The following EPB41L2 variants were observed in gnomAD, a reference collection of about 807,000 sequenced individuals.
EPB41L2 encodes the protein erythrocyte membrane protein band 4.1 like 2.
EPB41L2 carries 43 observed loss-of-function variants against 113.0 expected under a neutral mutation model. That is an observed-to-expected ratio of 0.38 (90% CI 0.30 to 0.49). The LOEUF is 0.49. EPB41L2 is among the 20% of genes least tolerant of loss of function. The pLI is 0.95. For synonymous variants in EPB41L2, 442 were observed against 436.7 expected (o/e 1.01, Z -0.15); for missense variants, 1,147 against 1,223.4 (o/e 0.94, Z 0.93).
At chr6:131,020,029 G>A (rs9388875) in intron 1 of EPB41L2, among the ~76,000 whole-genome samples, 144,341 of 152,192 alleles carry the variant, frequency 0.95, 68,545 homozygotes, top group East Asian at 1. Context: ...AAGGTTTTCT[G>A]TTTTTCTGGA....
chr6:130,997,495 C>A (rs893244630), intron 1 of EPB41L2, among the ~76,000 whole-genome samples: 8 of 152,168 alleles, frequency 5.3e-5, no homozygotes, highest in Non-Finnish European at 1.0e-4. Context: ...TCAGGGAACA[C>A]ATATCTACAT....
chr6:130,869,658 T>A lies in EPB41L2; in HGVS notation c.2512A>T (p.Met838Leu). The change falls in exon 15 of 20, where the codon ATG becomes TTG. Residue 838 changes from methionine to leucine, a missense_variant. By Grantham distance (15) the Met-to-Leu change is conservative. Transcript: ENST00000337057. Reference sequence around the variant, plus strand: ...GGCTCTTCCTCTGCTTCTTCTCCCATGTCTTGCTTAAGAGCGCCTTCGTGT... The same window carrying A: ...GGCTCTTCCTCTGCTTCTTCTCCCAAGTCTTGCTTAAGAGCGCCTTCGTGT... ...SVHEGALKQD[M>L]GEEAEEEPQK... The A allele has an allele frequency of 6.2e-7, 1 of 1,614,198 alleles. No individual in the cohort carries two copies. Among genetic ancestry groups the A allele is most frequent in the Non-Finnish European group, 8.5e-7 (1 of 1,180,030 alleles).
intron 14 of EPB41L2, among the ~76,000 whole-genome samples, chr6:130,876,319 T>C (rs1787548113): frequency 6.6e-6 from 1 of 152,170 alleles, no homozygotes; most frequent in Non-Finnish European, 1.5e-5. Flanking sequence ...GGCACATAAG[T>C]GGTTATTTTA....
intron 1 of EPB41L2, among the ~76,000 whole-genome samples, chr6:131,046,994 A>G (rs1795595846): frequency 6.6e-6 from 1 of 152,152 alleles, no homozygotes; most frequent in Admixed American, 6.5e-5. Context: ...GACAGTAGTT[A>G]TGGCTATAGG....
At chr6:130,874,593 C>T (rs1040362346) in intron 14 of EPB41L2, among the ~76,000 whole-genome samples, 2 of 151,956 alleles carry the variant, frequency 1.3e-5, no homozygotes, top group Non-Finnish European at 2.9e-5. Flanking sequence ...GTTTGTTGGG[C>T]AAACGGATGA....
At chr6:130,886,635 T>C (rs1201578896) in intron 11 of EPB41L2, among the ~76,000 whole-genome samples, 3 of 119,606 alleles carry the variant, frequency 2.5e-5, no homozygotes, top group African/African-American at 5.0e-5. Flanking sequence ...TTGTTGTTGT[T>C]GTTGTTGTTT....
At chr6:130,873,184 T>G (rs550589799) in intron 14 of EPB41L2, among the ~76,000 whole-genome samples, 1 of 152,254 alleles carries the variant, frequency 6.6e-6, no homozygotes, top group African/African-American at 2.4e-5. Flanking sequence ...CTGTCCCCTT[T>G]TTTTGCAAAA....
intron 3 of EPB41L2, among the ~76,000 whole-genome samples, chr6:130,948,700 C>T (rs1813785239): frequency 6.6e-6 from 1 of 151,946 alleles, no homozygotes; most frequent in Non-Finnish European, 1.5e-5. Flanking sequence ...AAAAAAAGGT[C>T]AGGAGATAAA....
At chr6:130,876,489 T>C (rs1315799839) in intron 14 of EPB41L2, among the ~76,000 whole-genome samples, 4 of 152,216 alleles carry the variant, frequency 2.6e-5, no homozygotes, top group African/African-American at 4.8e-5. Context: ...TTCTGCAATA[T>C]GGTATTTCTC....
At chr6:130,880,009 A>C in intron 13 of EPB41L2, 135 bp downstream of exon 13, 1 of 623,272 alleles carries the variant, frequency 1.6e-6, no homozygotes, top group Non-Finnish European at 2.9e-6. Flanking sequence ...GGTAACATGC[A>C]CTCCCGAGCT....
chr6:130,992,625 C>T (rs968361388), intron 1 of EPB41L2, among the ~76,000 whole-genome samples: 59 of 149,386 alleles, frequency 3.9e-4, no homozygotes, highest in African/African-American at 1.4e-3. Context: ...CTGAAATTAC[C>T]AATTCAAATT....
At chr6:131,014,555 T>C (rs770412305) in intron 1 of EPB41L2, among the ~76,000 whole-genome samples, 12 of 152,146 alleles carry the variant, frequency 7.9e-5, no homozygotes, top group Non-Finnish European at 1.2e-4. Flanking sequence ...AATTCATAGA[T>C]TGTGTAAAAA....
chr6:131,046,944 G>A (rs1174485236), intron 1 of EPB41L2, among the ~76,000 whole-genome samples: 6 of 152,180 alleles, frequency 3.9e-5, no homozygotes, highest in South Asian at 2.1e-4. Flanking sequence ...AAATAGGATC[G>A]GGGTTTGACG....
intron 1 of EPB41L2, among the ~76,000 whole-genome samples, chr6:131,041,814 A>T (rs937959156): frequency 2.6e-5 from 4 of 152,236 alleles, no homozygotes; most frequent in Admixed American, 6.5e-5. Flanking sequence ...ATATAAACCA[A>T]ACATAATATA....
chr6:130,894,198 A>T (rs1298932862), intron 10 of EPB41L2, 146 bp downstream of exon 10: 2 of 636,712 alleles, frequency 3.1e-6, no homozygotes, highest in Non-Finnish European at 5.6e-6. Context: ...TTCTTAGAAA[A>T]AAAGAGAGAT....
At chr6:131,000,704 C>T (rs1222606980) in intron 1 of EPB41L2, 1 of 152,242 alleles carries the variant, frequency 6.6e-6, no homozygotes, top group African/African-American at 2.4e-5. Flanking sequence ...ACTGTTACCA[C>T]CTTGCTTGCT....
chr6:130,936,709 T>C (rs1280094786), intron 3 of EPB41L2, among the ~76,000 whole-genome samples: 1 of 152,200 alleles, frequency 6.6e-6, no homozygotes, highest in Non-Finnish European at 1.5e-5. Flanking sequence ...TAAAATATAA[T>C]AACAATTAGA....
intron 15 of EPB41L2, 179 bp from the exon 16 acceptor site, chr6:130,867,760 A>G (rs1358049594): frequency 1.5e-6 from 1 of 676,714 alleles, no homozygotes; most frequent in Non-Finnish European, 2.5e-6. Context: ...TTTTCCTTCA[A>G]ATATATCATA....
At chr6:130,971,517 G>A (rs1776774431) in intron 1 of EPB41L2, among the ~76,000 whole-genome samples, 1 of 152,218 alleles carries the variant, frequency 6.6e-6, no homozygotes, top group African/African-American at 2.4e-5. Flanking sequence ...ACGATAGTCA[G>A]TCTGATCACC....
Sources: gnomAD v4.1 joint callset for allele counts (sites outside exome capture counted in the v4.1 genomes callset) on GRCh38, gnomAD v4.1.1 for gene constraint, MANE v1.5 for transcripts, NCBI Gene and HGNC (gene_info 2026-07-23, HGNC 2026-07-21) for gene names.